CCT6B: variants seen among roughly 807,000 people sequenced by gnomAD.
CCT6B encodes the protein chaperonin containing TCP1 subunit 6B, also known as probable T-complex protein 1 subunit zeta-2.
A neutral mutation model predicts 61.5 loss-of-function variants in CCT6B; 49 were observed. The observed-to-expected ratio is 0.80, with a 90% CI of 0.63 to 1.01. The LOEUF (loss-of-function observed/expected upper bound fraction) is 1.01, where lower values mean the gene tolerates loss of function less well. CCT6B is among the 50% of genes least tolerant of loss of function. CCT6B has a pLI of 0.00. For synonymous variants in CCT6B, 228 were observed against 214.5 expected (o/e 1.06, Z -0.55); for missense variants, 666 against 634.7 (o/e 1.05, Z -0.53).
chr17:34,958,453 T>C (rs533922888), intron 3 of CCT6B, 107 bp downstream of exon 3: 109 of 591,516 alleles, frequency 1.8e-4, no homozygotes, highest in Non-Finnish European at 2.7e-4. Flanking sequence ...CAAAATTAAT[T>C]AATTAATTAA....
At chr17:34,958,751 C>T in intron 2 of CCT6B, 57 bp from the exon 3 acceptor site, 1 of 1,408,442 alleles carries the variant, frequency 7.1e-7, no homozygotes, top group South Asian at 1.5e-5. Context: ...AAGTAGGTCA[C>T]CAAAAGCAAG....
At position 34,952,071 on chromosome 17, in the gene CCT6B, G is replaced by A; in HGVS notation, c.511-18C>T. 1 of 1,454,784 alleles carries A rather than the reference G, an allele frequency of 6.9e-7. No homozygotes were observed. The highest frequency in any genetic ancestry group is 1.2e-5 in the South Asian group (1 of 86,124). The allele number at this position is 1,454,784 out of a possible 1,614,324, so 90.1% of individuals were successfully genotyped here. On this transcript the variant is annotated intron_variant, in intron 4 of 13. Coordinates refer to ENST00000314144, the MANE Select transcript of CCT6B (RefSeq NM_006584.4). Reference sequence around the variant, plus strand: ...ACCACAACCTGAAAGAGAAATGAATGAGAACAGTTAAGTTATTTGGACTAC... The same window carrying A: ...ACCACAACCTGAAAGAGAAATGAATAAGAACAGTTAAGTTATTTGGACTAC...
In CCT6B at chr17:34,959,091, T is replaced by C. The variant is rs1040267505; in HGVS notation, c.202-397A>G. Among the ~76,000 whole-genome samples the C allele has an allele frequency of 1.1e-4, 16 of 143,438 alleles. No individual in the cohort carries two copies. In the East Asian group the frequency reaches 2.1e-3, roughly 19 times the overall value. The allele number at this position is 143,438 out of a possible 152,430, so 94.1% of individuals were successfully genotyped here. ...TAAGTATACAAAGTATGTATAAGTATACAAAGACTTGGAAACAGCCAAAAA... is the reference window on the plus strand; with the variant it reads ...TAAGTATACAAAGTATGTATAAGTACACAAAGACTTGGAAACAGCCAAAAA... On this transcript the variant is annotated intron_variant, in intron 2 of 13. Transcript: ENST00000314144.
In CCT6B at chr17:34,947,286, C is replaced by T. The variant is rs372034677; in HGVS notation, c.615-4380G>A. 1.4e-3 allele frequency among the ~76,000 whole-genome samples: 209 copies of T among 152,116 alleles called. 1 individual carries two copies. Among genetic ancestry groups the T allele is most frequent in the African/African-American group, 4.7e-3 (196 of 41,486 alleles). ...TGGAAATTTTCCAGAATCAGATAAACGATAGCACTCAAAAAGCCAGAAAAT... is the reference window on the plus strand; with the variant it reads ...TGGAAATTTTCCAGAATCAGATAAATGATAGCACTCAAAAAGCCAGAAAAT... On this transcript the variant is annotated intron_variant, in intron 5 of 13. Transcript: ENST00000314144.
At chr17:34,935,397 T>A (rs935675290) in intron 10 of CCT6B, among the ~76,000 whole-genome samples, 1 of 152,216 alleles carries the variant, frequency 6.6e-6, no homozygotes, top group Non-Finnish European at 1.5e-5. Flanking sequence ...ATTGTTAAAC[T>A]GTAAATTTTA....
chr17:34,929,509 G>GTTTTTTTTTTTTTTTTTTTTTTTTTA (rs2090010841), intron 12 of CCT6B, among the ~76,000 whole-genome samples: 1 of 72,448 alleles, frequency 1.4e-5, no homozygotes. Flanking sequence ...TTTTTTTTTT[G>GTTTTTTTTTTTTTTTTTTTTTTTTTA]GTGTTTTTTG....
At chr17:34,953,318 A>AATATATATATAT (rs757786280) in intron 4 of CCT6B, among the ~76,000 whole-genome samples, 83 of 141,112 alleles carry the variant, frequency 5.9e-4, no homozygotes, top group Non-Finnish European at 9.9e-4. Flanking sequence ...CTTTATATAA[A>AATATATATATAT]ATATATATAT....
intron 2 of CCT6B, among the ~76,000 whole-genome samples, chr17:34,959,315 A>G (rs961556782): frequency 5.2e-4 from 49 of 93,334 alleles, no homozygotes; most frequent in African/African-American, 1.9e-3. Context: ...TTTTTTTTGT[A>G]GAGACGGTTT....
chr17:34,953,950 T>C (rs957756254), intron 4 of CCT6B, among the ~76,000 whole-genome samples: 2 of 152,094 alleles, frequency 1.3e-5, no homozygotes, highest in East Asian at 1.9e-4. Context: ...TAAGACTCTG[T>C]CTCAAATAAA....
At chr17:34,928,743 G>A (rs4795048) in intron 13 of CCT6B, among the ~76,000 whole-genome samples, 135,952 of 152,166 alleles carry the variant, frequency 0.89, 61,797 homozygotes, top group Middle Eastern at 0.99. Flanking sequence ...AAATAGTAAG[G>A]TTAATTTTTC....
At chr17:34,957,331 A>G (rs955950465) in intron 3 of CCT6B, among the ~76,000 whole-genome samples, 2 of 151,700 alleles carry the variant, frequency 1.3e-5, no homozygotes, top group African/African-American at 4.8e-5. Context: ...TTTAGCAGAG[A>G]CAGGGTTTCT....
At chr17:34,935,445 A>T (rs1431662853) in intron 10 of CCT6B, among the ~76,000 whole-genome samples, 2 of 152,244 alleles carry the variant, frequency 1.3e-5, no homozygotes, top group African/African-American at 4.8e-5. Context: ...AAATAATTTT[A>T]AAAAAATGTA....
intron 5 of CCT6B, among the ~76,000 whole-genome samples, chr17:34,947,730 C>T (rs1195419125): frequency 6.6e-6 from 1 of 152,002 alleles, no homozygotes; most frequent in African/African-American, 2.4e-5. Flanking sequence ...ACCTGTAATC[C>T]CAGCACTTTG....
rs764735174 is a variant in CCT6B at position 34,939,639 on chromosome 17, C to T, written c.1043G>A (p.Gly348Asp). 5 of 1,609,826 alleles carry T rather than the reference C, an allele frequency of 3.1e-6. No homozygotes were observed. Among genetic ancestry groups the T allele is most frequent in the Admixed American group, 1.7e-5 (1 of 59,984 alleles). ...DLTVDCLGHA[G>D]LVYEYTLGEE... The stretch of plus-strand genomic sequence containing the variant: ...CACTAATGTATACTCATACACAAGA[C>T]CAGCATGTCCCAAGCAATCTACAGT... Residue 348 changes from glycine (G) to aspartate (D), a missense_variant, in exon 9 of 14, where the codon GGT becomes GAT. Gly to Asp is a moderately conservative substitution (Grantham distance 94). Coordinates refer to ENST00000314144, the MANE Select transcript of CCT6B (RefSeq NM_006584.4).
At chr17:34,937,073 A>C (rs1422270387) in intron 10 of CCT6B, among the ~76,000 whole-genome samples, 3 of 152,120 alleles carry the variant, frequency 2.0e-5, no homozygotes, top group African/African-American at 7.2e-5. Context: ...TGGGAGAGTC[A>C]CTTGAGCTCA....
intron 12 of CCT6B, 51 bp downstream of exon 12, chr17:34,930,898 A>T: frequency 2.2e-6 from 2 of 903,666 alleles, no homozygotes; most frequent in Non-Finnish European, 3.6e-6. Flanking sequence ...GATCTGGGTA[A>T]CTAAAGAATA....
Position 34,961,430 on chromosome 17 carries a change from T to C in CCT6B, c.-37A>G, listed in dbSNP as rs559503087. On this transcript the variant is annotated 5_prime_UTR_variant, in exon 1 of 14. Coordinates refer to ENST00000314144, the MANE Select transcript of CCT6B (RefSeq NM_006584.4). ...TCAGAGGGAGAAAAAAAAAAAGCCT[T>C]AGTCGCGATTCTGAGCAAAAACGGC... 5.7e-6 allele frequency: 9 copies of C among 1,565,302 alleles called. 1 individual carries two copies. The Admixed American group carries it at 5.9e-5, about 10-fold the overall frequency.
intron 5 of CCT6B, among the ~76,000 whole-genome samples, chr17:34,947,203 T>C (rs1159559410): frequency 1.3e-5 from 2 of 151,974 alleles, no homozygotes; most frequent in Admixed American, 1.3e-4. Flanking sequence ...CAAGCATACA[T>C]TTAACTGGAG....
chr17:34,928,068 C>A lies in CCT6B; in HGVS notation c.1573G>T (p.Gly525Trp). The change falls in exon 14 of 14, where the codon GGG (glycine) becomes TGG (tryptophan). Residue 525 changes from glycine (G) to tryptophan (W), a missense_variant. Transcript: ENST00000314144. Reference protein sequence around the residue: ...ILLVDEIMRAGMSSLK With the variant: ...ILLVDEIMRAWMSSLK ...AATCATCATTTGAGAGAAGACATCC[C>A]AGCTCGCATAATTTCATCAACCAGG... 6.2e-7 allele frequency: 1 copy of A among 1,611,152 alleles called. No individual in the cohort carries two copies.
Sources: allele counts gnomAD v4.1 joint callset (sites outside exome capture counted in the v4.1 genomes callset), GRCh38; gene constraint gnomAD v4.1.1; transcripts MANE v1.5; gene names NCBI Gene and HGNC (gene_info 2026-07-23, HGNC 2026-07-21).